RPH3A: variants seen among roughly 807,000 people sequenced by gnomAD.
RPH3A encodes rabphilin-3A.
Under a neutral mutation model 102.2 loss-of-function variants are expected in RPH3A, and 48 were observed. That is an observed-to-expected ratio of 0.47 (90% confidence interval 0.37 to 0.60). The LOEUF (loss-of-function observed/expected upper bound fraction) is 0.60. Ranked by LOEUF, RPH3A falls within the 20% of genes least tolerant of loss-of-function variation. The pLI, the probability that RPH3A is intolerant of heterozygous loss-of-function variation, is 0.00. For synonymous variants in RPH3A, 310 were observed against 324.3 expected (o/e 0.96, Z 0.47); for missense variants, 781 against 910.1 (o/e 0.86, Z 1.83).
At chr12:112,701,772 T>C (rs2040396285) in intron 1 of RPH3A, among the ~76,000 whole-genome samples, 1 of 152,196 alleles carries the variant, frequency 6.6e-6, no homozygotes, top group Admixed American at 6.5e-5. Context: ...AGAGATGTGG[T>C]TCGTCAGAAG....
chr12:112,693,722 A>AT (rs1340557263), intron 1 of RPH3A, among the ~76,000 whole-genome samples: 3 of 152,010 alleles, frequency 2.0e-5, no homozygotes, highest in African/African-American at 7.2e-5. Context: ...TTCCCTGATC[A>AT]CTTTTTCTAG....
chr12:112,828,767 G>T (rs2041921917), intron 3 of RPH3A, among the ~76,000 whole-genome samples: 2 of 152,230 alleles, frequency 1.3e-5, no homozygotes, highest in South Asian at 4.1e-4. Flanking sequence ...CACTAGATCA[G>T]AGATTACAAA....
chr12:112,636,112 C>T (rs1443136393), intron 1 of RPH3A, among the ~76,000 whole-genome samples: 1 of 152,152 alleles, frequency 6.6e-6, no homozygotes, highest in Non-Finnish European at 1.5e-5. Flanking sequence ...TCTACAATGG[C>T]CAAGCTCTTT....
At chr12:112,826,115 T>C (rs562997472) in intron 2 of RPH3A, among the ~76,000 whole-genome samples, 2 of 152,208 alleles carry the variant, frequency 1.3e-5, no homozygotes, top group East Asian at 1.9e-4. Context: ...CTGTGGGAGC[T>C]GTTTTAAACT....
intron 1 of RPH3A, among the ~76,000 whole-genome samples, chr12:112,657,788 G>A (rs1242902992): frequency 6.6e-6 from 1 of 152,154 alleles, no homozygotes; most frequent in Non-Finnish European, 1.5e-5. Context: ...ATGAAATAGG[G>A]GAAGTGGGTA....
chr12:112,661,702 C>T (rs951973360), intron 1 of RPH3A, among the ~76,000 whole-genome samples: 7 of 152,132 alleles, frequency 4.6e-5, no homozygotes, highest in African/African-American at 1.4e-4. Flanking sequence ...CTGTGGGCTG[C>T]AGAGTTTTGT....
intron 13 of RPH3A, among the ~76,000 whole-genome samples, 190 bp from the exon 14 acceptor site, chr12:112,878,929 C>A (rs1470358697): frequency 3.3e-5 from 5 of 152,240 alleles, no homozygotes; most frequent in African/African-American, 1.2e-4. Context: ...ATGAACTGAT[C>A]ACAGATGTCC....
intron 4 of RPH3A, among the ~76,000 whole-genome samples, chr12:112,838,992 G>A (rs930282510): frequency 2.0e-5 from 3 of 152,064 alleles, no homozygotes; most frequent in Non-Finnish European, 4.4e-5. Context: ...GGCCGGGGCC[G>A]GTTTCTCAAG....
upstream of RPH3A, among the ~76,000 whole-genome samples, chr12:112,788,368 T>TCAGTTGAGGC (rs2041065207): frequency 6.6e-6 from 1 of 152,042 alleles, no homozygotes; most frequent in Admixed American, 6.6e-5. Context: ...GAGTGGAGGG[T>TCAGTTGAGGC]CAGTTGAGGC....
intron 1 of RPH3A, among the ~76,000 whole-genome samples, chr12:112,653,535 TTATAAA>T (rs2039991355): frequency 6.6e-6 from 1 of 152,270 alleles, no homozygotes; most frequent in Non-Finnish European, 1.5e-5. Flanking sequence ...GCTGTGGACT[TTATAAA>T]CACTGTCCAC....
chr12:112,689,045 C>T (rs940561147), intron 1 of RPH3A, among the ~76,000 whole-genome samples: 1 of 152,156 alleles, frequency 6.6e-6, no homozygotes, highest in Admixed American at 6.5e-5. Flanking sequence ...TTTTCTCATG[C>T]AATTTTAATA....
chr12:112,841,910 G>A lies in RPH3A; in HGVS notation c.83+5408G>A, dbSNP rs569893240. ...TCTCTCCTTCTCTCTCTCTCTGTCC[G>A]TCTGTCTCTCTGTCTCTCTCTCCTG... On this transcript the variant is annotated intron_variant, in intron 4 of 21. Transcript: ENST00000389385. 42 of 455,716 alleles carry A rather than the reference G, an allele frequency of 9.2e-5. 1 individual carries two copies. Among genetic ancestry groups the A allele is most frequent in the Middle Eastern group, 3.3e-4 (1 of 3,068 alleles). The allele number at this position is 455,716 out of a possible 1,614,324, so 28.2% of individuals were successfully genotyped here.
At chr12:112,864,448 CAA>C (rs11324677) in intron 5 of RPH3A, among the ~76,000 whole-genome samples, 1,741 of 101,944 alleles carry the variant, frequency 0.017, 16 homozygotes, top group East Asian at 0.075. Context: ...AAGACTCTGT[CAA>C]AAAAAAAAAA....
rs1252051808 is a variant in RPH3A, at chr12:112,866,750, T to C, written c.361-7T>C. ...ATCTGAGTGTGTTGGCTGTGTTTCA[T>C]CCACAGAACGTCTGCACCAAGTGCG... is the stretch of plus-strand genomic sequence containing the variant. On this transcript the variant is annotated splice_region_variant and splice_polypyrimidine_tract_variant and intron_variant, in intron 6 of 21. Coordinates refer to ENST00000389385, the MANE Select transcript of RPH3A (RefSeq NM_001143854.2). 1.9e-6 allele frequency: 3 copies of C among 1,607,248 alleles called. No homozygotes were observed. The highest frequency in any genetic ancestry group is 2.6e-6 in the Non-Finnish European group (3 of 1,175,654).
At chr12:112,654,686 G>T (rs1211855271) in intron 1 of RPH3A, among the ~76,000 whole-genome samples, 1 of 152,172 alleles carries the variant, frequency 6.6e-6, no homozygotes, top group East Asian at 1.9e-4. Context: ...AGTTATAGAT[G>T]TTGCAATTCT....
At position 112,835,408 on chromosome 12, in the gene RPH3A, G is replaced by GT. The variant is rs573403075; in HGVS notation, c.72-1080dup. ...GTTAATTAAAATTCCATCCATCAGA[G>GT]TTTACTTTAGTCGATATGAAGCCAA... On this transcript the variant is annotated intron_variant, in intron 3 of 21. Coordinates refer to ENST00000389385, the MANE Select transcript of RPH3A (RefSeq NM_001143854.2). 1.9e-3 allele frequency among the ~76,000 whole-genome samples: 283 copies of GT among 152,274 alleles called. 4 individuals carry two copies. The highest frequency in any genetic ancestry group is 1.1e-3 in the Non-Finnish European group (75 of 68,006).
intron 1 of RPH3A, among the ~76,000 whole-genome samples, chr12:112,600,582 CTTGGCCTGG>C: frequency 6.6e-6 from 1 of 152,330 alleles, no homozygotes; most frequent in East Asian, 1.9e-4. Flanking sequence ...CTGAGACCAC[CTTGGCCTGG>C]ACTTCATTGT....
chr12:112,846,860 C>G (rs1292447813), intron 4 of RPH3A, among the ~76,000 whole-genome samples: 1 of 152,194 alleles, frequency 6.6e-6, no homozygotes, highest in African/African-American at 2.4e-5. Context: ...GCCACAGATC[C>G]CATTCTTTCC....
intron 2 of RPH3A, among the ~76,000 whole-genome samples, chr12:112,809,032 C>T (rs1024382449): frequency 3.9e-5 from 6 of 152,148 alleles, no homozygotes; most frequent in African/African-American, 7.2e-5. Context: ...TTAACCCTGC[C>T]TCCAAGGTGA....
Sources: allele counts gnomAD v4.1 joint callset (sites outside exome capture counted in the v4.1 genomes callset), GRCh38; gene constraint gnomAD v4.1.1; transcripts MANE v1.5; gene names NCBI Gene and HGNC (gene_info 2026-07-23, HGNC 2026-07-21).